DCLK1: variants seen among roughly 807,000 people sequenced by gnomAD.
The protein encoded by DCLK1 is serine/threonine-protein kinase DCLK1.
A neutral mutation model predicts 86.2 loss-of-function variants in DCLK1; 16 were observed. The observed-to-expected ratio is 0.19, with a 90% CI of 0.13 to 0.28. DCLK1 has a LOEUF of 0.28. Among genes scored for constraint, DCLK1 ranks in the 10% least tolerant of loss-of-function variants. DCLK1 has a pLI of 1.00. For synonymous variants in DCLK1, 369 were observed against 370.5 expected (o/e 1.00, Z 0.05); for missense variants, 590 against 940.2 (o/e 0.63, Z 4.87).
At chr13:35,992,713 T>A (rs1261333323) in intron 3 of DCLK1, among the ~76,000 whole-genome samples, 1 of 152,164 alleles carries the variant, frequency 6.6e-6, no homozygotes, top group Non-Finnish European at 1.5e-5. Context: ...AGTTTGTGCC[T>A]GTTTTCCCAC....
intron 3 of DCLK1, among the ~76,000 whole-genome samples, chr13:36,021,637 G>A (rs576009563): frequency 6.6e-6 from 1 of 152,134 alleles, no homozygotes; most frequent in South Asian, 2.1e-4. Flanking sequence ...GGCAAAAATT[G>A]TTCCTAGAGA....
intron 4 of DCLK1, among the ~76,000 whole-genome samples, chr13:35,909,189 G>A (rs540089734): frequency 1.4e-4 from 21 of 152,328 alleles, no homozygotes; most frequent in East Asian, 1.4e-3. Flanking sequence ...TGAGGTGGCT[G>A]TAGGTGGGGC....
chr13:35,810,940 G>A lies in DCLK1; in HGVS notation c.1583C>T (p.Ser528Leu). The change falls in exon 12 of 17, where the codon TCA (serine) becomes TTA (leucine). Residue 528 changes from serine (S) to leucine (L), a missense_variant. Transcript: ENST00000360631. ...CAGTCCAAAGTCACCCAGCTTCAGT[G>A]ATTTGCTGCCATCTTGGTGCTCATA... Reference protein sequence around the residue: ...LVYEHQDGSKSLKLGDFGLAT... With the variant: ...LVYEHQDGSKLLKLGDFGLAT... The A allele has an allele frequency of 1.2e-6, 2 of 1,614,054 alleles. No homozygotes were observed. The highest frequency in any genetic ancestry group is 1.7e-6 in the Non-Finnish European group (2 of 1,179,962).
chr13:35,970,678 C>T (rs1879020625), intron 3 of DCLK1, among the ~76,000 whole-genome samples: 1 of 152,144 alleles, frequency 6.6e-6, no homozygotes, highest in African/African-American at 2.4e-5. Context: ...CCTTACCAGA[C>T]ACCTAACCTG....
chr13:36,020,717 A>G (rs1881740624), intron 3 of DCLK1, among the ~76,000 whole-genome samples: 1 of 151,144 alleles, frequency 6.6e-6, no homozygotes, highest in African/African-American at 2.5e-5. Context: ...GCAGAATGAC[A>G]TATTTAAGGT....
intron 3 of DCLK1, among the ~76,000 whole-genome samples, chr13:35,990,712 C>A (rs142074432): frequency 6.6e-6 from 1 of 152,078 alleles, no homozygotes; most frequent in Non-Finnish European, 1.5e-5. Flanking sequence ...TAAGTCAGGG[C>A]AGATGGTTTC....
intron 3 of DCLK1, among the ~76,000 whole-genome samples, chr13:36,097,026 G>A (rs1312937126): frequency 3.3e-5 from 5 of 151,992 alleles, no homozygotes; most frequent in African/African-American, 9.7e-5. Flanking sequence ...ATAAAACCCA[G>A]AGCTAGTCAA....
At position 35,798,222 on chromosome 13, in the gene DCLK1, G is replaced by A. The variant is rs537700243; in HGVS notation, c.1945-4743C>T. ...AGGGGTTACTGGGGAAGAGCTGTGGGGAGGCTTGTGGGGGAACGGATGTGA... is the reference window on the plus strand; with the variant it reads ...AGGGGTTACTGGGGAAGAGCTGTGGAGAGGCTTGTGGGGGAACGGATGTGA... On this transcript the variant is annotated intron_variant, in intron 15 of 16. Coordinates refer to ENST00000360631, the MANE Select transcript of DCLK1 (RefSeq NM_001330071.2). Among the ~76,000 whole-genome samples the A allele has an allele frequency of 8.9e-4, 135 of 152,298 alleles. No individual in the cohort carries two copies. In the Middle Eastern group the frequency reaches 0.01, roughly 12 times the overall value.
chr13:35,810,327 TTC>T (rs2087116998), intron 12 of DCLK1, among the ~76,000 whole-genome samples: 1 of 152,174 alleles, frequency 6.6e-6, no homozygotes, highest in Non-Finnish European at 1.5e-5. Context: ...ATTCATCTGA[TTC>T]TGCACACAGA....
At chr13:36,064,857 A>T (rs1290496485) in intron 3 of DCLK1, among the ~76,000 whole-genome samples, 3 of 152,146 alleles carry the variant, frequency 2.0e-5, no homozygotes, top group Admixed American at 6.5e-5. Context: ...TTTATTCTCA[A>T]GTAAAAACAG....
In DCLK1 at chr13:35,918,890, G is replaced by GTTTTTTTTTTTT. The variant is rs532112697; in HGVS notation, c.823+28467_823+28468insAAAAAAAAAAAA. Among the ~76,000 whole-genome samples, 6 of 14,220 alleles carry GTTTTTTTTTTTT rather than the reference G, an allele frequency of 4.2e-4. No homozygotes were observed. The South Asian group carries it at 6.2e-3, about 15-fold the overall frequency. The allele number at this position is 14,220 out of a possible 152,430, so 9.3% of individuals were successfully genotyped here. A position where few individuals can be genotyped will look rare whatever the true frequency, so the allele number is the denominator to read the frequency against. Reference sequence around the variant, plus strand: ...CCAAAAAGAAATCTTCCTTCTGAGTGTGTTTTTTTTTTTTTTTTTGGAAAC... The same window carrying GTTTTTTTTTTTT: ...CCAAAAAGAAATCTTCCTTCTGAGTGTTTTTTTTTTTTTGTTTTTTTTTTTTTTTTTGGAAAC... On this transcript the variant is annotated intron_variant, in intron 4 of 16. Coordinates refer to ENST00000360631, the MANE Select transcript of DCLK1 (RefSeq NM_001330071.2).
At chr13:35,982,427 AGAGAGG>A (rs1363951600) in intron 3 of DCLK1, among the ~76,000 whole-genome samples, 74 of 54,246 alleles carry the variant, frequency 1.4e-3, no homozygotes, top group Admixed American at 2.2e-3. Context: ...AGAGAGAGAG[AGAGAGG>A]GGGAGGGAGG....
chr13:35,976,247 G>C (rs1879320836), intron 3 of DCLK1, among the ~76,000 whole-genome samples: 1 of 152,136 alleles, frequency 6.6e-6, no homozygotes, highest in East Asian at 1.9e-4. Flanking sequence ...AAGGGCGTGG[G>C]CAAGTAAGGA....
chr13:35,806,899 G>C (rs1300902926), intron 14 of DCLK1, among the ~76,000 whole-genome samples: 1 of 152,146 alleles, frequency 6.6e-6, no homozygotes, highest in Non-Finnish European at 1.5e-5. Flanking sequence ...GACAGTTGAA[G>C]AAAATGAGAG....
intron 3 of DCLK1, among the ~76,000 whole-genome samples, chr13:36,038,770 T>C (rs1882598303): frequency 6.6e-6 from 1 of 152,202 alleles, no homozygotes; most frequent in Non-Finnish European, 1.5e-5. Flanking sequence ...CAACAATTAG[T>C]GTTCATGCGT....
intron 4 of DCLK1, among the ~76,000 whole-genome samples, chr13:35,922,360 G>A (rs1437061921): frequency 6.6e-6 from 1 of 152,094 alleles, no homozygotes; most frequent in Non-Finnish European, 1.5e-5. Flanking sequence ...TTGGGGAGAA[G>A]GACCACATAT....
chr13:35,888,008 T>C (rs539993445), intron 4 of DCLK1, among the ~76,000 whole-genome samples: 3 of 152,170 alleles, frequency 2.0e-5, no homozygotes, highest in East Asian at 1.9e-4. Context: ...AAACAATTTC[T>C]TCTTTTTATA....
chr13:36,004,923 ACT>A (rs1880884812), intron 3 of DCLK1, among the ~76,000 whole-genome samples: 1 of 152,200 alleles, frequency 6.6e-6, no homozygotes, highest in Non-Finnish European at 1.5e-5. Context: ...CTTATTGTCT[ACT>A]GTGTGTCAAA....
chr13:35,967,635 G>C (rs370010738), intron 3 of DCLK1, among the ~76,000 whole-genome samples: 312 of 152,042 alleles, frequency 2.1e-3, no homozygotes, highest in African/African-American at 6.2e-3. Flanking sequence ...CAGCATACTC[G>C]TTAAGAGTCA....
Sources: allele counts gnomAD v4.1 joint callset (sites outside exome capture counted in the v4.1 genomes callset), GRCh38; gene constraint gnomAD v4.1.1; transcripts MANE v1.5; gene names NCBI Gene and HGNC (gene_info 2026-07-23, HGNC 2026-07-21).